Variants in PLOD1 observed in about 807,000 individuals in gnomAD.
PLOD1 encodes the protein lysine hydroxylase.
Under a neutral mutation model 94.7 loss-of-function variants are expected in PLOD1, and 70 were observed. The observed-to-expected ratio is 0.74, with a 90% CI of 0.61 to 0.90. PLOD1 has a LOEUF of 0.90. Among genes scored for constraint, PLOD1 ranks in the 40% least tolerant of loss-of-function variants. The probability of loss-of-function intolerance (pLI) is 0.00; values close to 1 mark genes in which losing one functional copy is unlikely to be tolerated. For synonymous variants in PLOD1, 417 were observed against 400.2 expected (o/e 1.04, Z -0.50); for missense variants, 905 against 972.7 (o/e 0.93, Z 0.93).
At chr1:11,962,459 G>A (rs1230129994) in intron 10 of PLOD1, among the ~76,000 whole-genome samples, 2 of 150,898 alleles carry the variant, frequency 1.3e-5, no homozygotes, top group Non-Finnish European at 3.0e-5. Flanking sequence ...TGTATTTTTA[G>A]TAGAGACGGG....
chr1:11,948,457 C>T (rs1039108051), intron 2 of PLOD1, among the ~76,000 whole-genome samples: 3 of 152,078 alleles, frequency 2.0e-5, no homozygotes, highest in South Asian at 2.1e-4. Context: ...ATGAGTGGTC[C>T]CGCACAGGGG....
At chr1:11,954,517 C>A in intron 5 of PLOD1, 1 of 637,412 alleles carries the variant, frequency 1.6e-6, no homozygotes, top group Non-Finnish European at 3.1e-6. Context: ...TAGCTATGTG[C>A]GTGTAGTGGA....
At chr1:11,965,930 C>T (rs1055431813) in intron 14 of PLOD1, among the ~76,000 whole-genome samples, 2 of 152,206 alleles carry the variant, frequency 1.3e-5, no homozygotes, top group South Asian at 4.1e-4. Flanking sequence ...CTGTCTTACC[C>T]ATGAGGGTGT....
At chr1:11,974,201 G>GTT (rs370053867) in intron 18 of PLOD1, among the ~76,000 whole-genome samples, 3 of 143,708 alleles carry the variant, frequency 2.1e-5, no homozygotes, top group African/African-American at 7.6e-5. Context: ...TACTCTTTGG[G>GTT]TTTTTTTTTT....
intron 6 of PLOD1, among the ~76,000 whole-genome samples, chr1:11,956,299 A>G (rs1023189168): frequency 6.6e-6 from 1 of 152,102 alleles, no homozygotes; most frequent in Non-Finnish European, 1.5e-5. Context: ...CAGGAAAATC[A>G]CTTGAACCTG....
intron 2 of PLOD1, 86 bp from the exon 3 acceptor site, chr1:11,949,687 T>C: frequency 7.0e-7 from 1 of 1,432,812 alleles, no homozygotes; most frequent in Non-Finnish European, 9.8e-7. Context: ...CCCAAAGTGC[T>C]GGGATTACCA....
Position 11,972,369 on chromosome 1 carries a change from A to C in PLOD1, c.1903-503A>C, listed in dbSNP as rs148543190. On this transcript the variant is annotated intron_variant, in intron 17 of 18. Transcript: ENST00000196061. This position sits in a 1 kb window ranked among gnomAD's most constrained non-coding sequence, Gnocchi z 4.6. ...CAGATTCAAGCGATTCTCCGGCCTC[A>C]GCCTCCCAAGTAGCTGCGATTACAG... 374 of 160,904 alleles carry C rather than the reference A, an allele frequency of 2.3e-3. 3 individuals carry two copies. The highest frequency in any genetic ancestry group is 3.4e-3 in the Non-Finnish European group (251 of 72,802). The allele number at this position is 160,904 out of a possible 1,614,324, so 10.0% of individuals were successfully genotyped here.
intron 5 of PLOD1, chr1:11,954,513 T>C: frequency 4.8e-6 from 3 of 628,282 alleles, no homozygotes; most frequent in Non-Finnish European, 9.3e-6. Context: ...GGAGTAGCTA[T>C]GTGCGTGTAG....
chr1:11,970,483 C>T (rs1000534978), intron 16 of PLOD1, among the ~76,000 whole-genome samples, 187 bp from the exon 17 acceptor site: 1 of 152,126 alleles, frequency 6.6e-6, no homozygotes, highest in Non-Finnish European at 1.5e-5. Flanking sequence ...CAGGCCCCCC[C>T]AGGATAATCT....
intron 1 of PLOD1, among the ~76,000 whole-genome samples, chr1:11,944,993 T>TGATGAGCAC (rs1168587181): frequency 6.6e-5 from 10 of 152,102 alleles, no homozygotes; most frequent in African/African-American, 2.4e-4. Context: ...AGGGAAACAA[T>TGATGAGCAC]GATGAGCACT....
chr1:11,950,710 C>T (rs1015256499), intron 4 of PLOD1, among the ~76,000 whole-genome samples, 190 bp downstream of exon 4: 1 of 152,184 alleles, frequency 6.6e-6, no homozygotes, highest in African/African-American at 2.4e-5. Context: ...TCAACAGACA[C>T]GCAGCCCCAT....
chr1:11,939,904 A>G (rs866265155), intron 1 of PLOD1, among the ~76,000 whole-genome samples: 3 of 151,896 alleles, frequency 2.0e-5, no homozygotes, highest in Non-Finnish European at 4.4e-5. Context: ...CACCGCACAC[A>G]TCATTCTTCT....
In PLOD1 at chr1:11,963,693, G is replaced by A. The variant is rs1645795010; in HGVS notation, c.1202+57G>A. ...TCAGGACTGGCCTGGTCCTGGGGTG[G>A]CAGCCCTCCTTGCCTTCCTCCTCCT... On this transcript the variant is annotated intron_variant, in intron 11 of 18. Coordinates refer to ENST00000196061, the MANE Select transcript of PLOD1 (RefSeq NM_000302.4). This position sits in a 1 kb window ranked among gnomAD's most constrained non-coding sequence, Gnocchi z 4.3. The A allele has an allele frequency of 1.7e-6, 2 of 1,152,352 alleles. No individual in the cohort carries two copies. The highest frequency in any genetic ancestry group is 2.6e-6 in the Non-Finnish European group (2 of 780,482). The allele number at this position is 1,152,352 out of a possible 1,614,324, so 71.4% of individuals were successfully genotyped here. A position where few individuals can be genotyped will look rare whatever the true frequency, so the allele number is the denominator to read the frequency against.
rs1645800330 is a variant in PLOD1, at chr1:11,964,290, G to A, written c.1318G>A (p.Gly440Arg). 1.9e-6 allele frequency: 3 copies of A among 1,612,656 alleles called. No homozygotes were observed. The highest frequency in any genetic ancestry group is 2.5e-6 in the Non-Finnish European group (3 of 1,179,536). Reference protein sequence around the residue: ...RSEDYVDIVQGRRVGVWNVPY... With the variant: ...RSEDYVDIVQRRRVGVWNVPY... ...CGAGGACTACGTGGACATTGTGCAG[G>A]GGCGGCGTGTGTGAGTACCTGCAGG... is the stretch of plus-strand genomic sequence containing the variant. Residue 440 changes from glycine (G) to arginine (R), a missense_variant, in exon 12 of 19, where the codon GGG becomes AGG. Physicochemically the swap from Gly to Arg is moderately radical, Grantham distance 125 (BLOSUM62 -2). Coordinates refer to ENST00000196061, the MANE Select transcript of PLOD1 (RefSeq NM_000302.4).
chr1:11,967,597 G>GTGTA (rs1391982281), intron 16 of PLOD1, among the ~76,000 whole-genome samples: 1 of 59,780 alleles, frequency 1.7e-5, no homozygotes, highest in African/African-American at 6.7e-5. Flanking sequence ...GTGTGTGTGT[G>GTGTA]TATATATATA....
rs1034132154 is a variant in PLOD1 at position 11,951,936 on chromosome 1, TAAAG to T, written c.467-685_467-682del. Among the ~76,000 whole-genome samples the T allele has an allele frequency of 1.3e-4, 19 of 150,746 alleles. 1 individual carries two copies. The East Asian group carries it at 1.8e-3, about 14-fold the overall frequency. ...ATTGTCTTAAAAATAAATAAATAAA[TAAAG>T]ATGCAAATTCACACACATCACTTAA... On this transcript the variant is annotated intron_variant, in intron 4 of 18. Transcript: ENST00000196061.
rs1645727579 is a variant in PLOD1 at position 11,954,889 on chromosome 1, C to T, written c.639C>T (p.Ala213=). The T allele has an allele frequency of 1.2e-6, 2 of 1,612,062 alleles. No individual in the cohort carries two copies. The highest frequency in any genetic ancestry group is 1.7e-5 in the Admixed American group (1 of 59,988). ...GTATCTTCCAGAACCTGGATGGAGC[C>T]TTGGGTGAGCAGCCCCCACGGGGAG... ...RCRIFQNLDG[A]LDEVVLKFEM... Residue 213 remains alanine (A), a synonymous_variant, in exon 6 of 19, where the codon GCC becomes GCT. Transcript: ENST00000196061.
At chr1:11,938,295 A>T (rs1645593632) in intron 1 of PLOD1, among the ~76,000 whole-genome samples, 1 of 152,084 alleles carries the variant, frequency 6.6e-6, no homozygotes, top group Non-Finnish European at 1.5e-5. Context: ...CATTTTGGAG[A>T]TGGGAAGACT....
intron 1 of PLOD1, among the ~76,000 whole-genome samples, chr1:11,942,923 C>A (rs868498051): frequency 2.4e-4 from 37 of 152,136 alleles, no homozygotes; most frequent in Admixed American, 1.3e-3. Context: ...GATCCTCAAC[C>A]AGAGAGGCAG....
Sources: gnomAD v4.1 joint callset for allele counts (sites outside exome capture counted in the v4.1 genomes callset) on GRCh38, gnomAD v4.1.1 for gene constraint, Gnocchi (gnomAD v3.1) non-coding constraint, MANE v1.5 for transcripts, NCBI Gene and HGNC (gene_info 2026-07-23, HGNC 2026-07-21) for gene names.